Variants in MAN2A1 observed in about 807,000 individuals in gnomAD.
MAN2A1 encodes mannosidase alpha class 2A member 1, also known as alpha-mannosidase 2.
MAN2A1 carries 76 observed loss-of-function variants against 142.6 expected under a neutral mutation model. That is an observed-to-expected ratio of 0.53 (90% CI 0.44 to 0.65). The LOEUF (loss-of-function observed/expected upper bound fraction) is 0.65, where lower values mean the gene tolerates loss of function less well. MAN2A1 is among the 30% of genes least tolerant of loss of function. The pLI, the probability that MAN2A1 is intolerant of heterozygous loss-of-function variation, is 0.00. For synonymous variants in MAN2A1, 559 were observed against 473.2 expected, an observed-to-expected ratio of 1.18 and a Z score of -2.35; for missense variants, 1,311 against 1,365.1, an observed-to-expected ratio of 0.96 and a Z score of 0.62.
At chr5:109,826,647 A>G (rs1002762157) in intron 16 of MAN2A1, among the ~76,000 whole-genome samples, 46 of 152,124 alleles carry the variant, frequency 3.0e-4, no homozygotes, top group African/African-American at 1.1e-3. Flanking sequence ...TTGCCTGAAC[A>G]CTCGGGTTGT....
chr5:109,741,024 A>T lies in MAN2A1; in HGVS notation c.707+11511A>T, dbSNP rs370353135. 2.0e-5 allele frequency among the ~76,000 whole-genome samples: 3 copies of T among 152,168 alleles called. No individual in the cohort carries two copies. In the East Asian group the frequency reaches 5.8e-4, roughly 29 times the overall value. On this transcript the variant is annotated intron_variant, in intron 4 of 21. Coordinates refer to ENST00000261483, the MANE Select transcript of MAN2A1 (RefSeq NM_002372.4). The stretch of plus-strand genomic sequence containing the variant: ...TGCATCAGTCCAATATTACACATAA[A>T]ATATGGTAAGATATTGGAGGGGACT...
chr5:109,733,956 C>T (rs1412094157), intron 4 of MAN2A1, among the ~76,000 whole-genome samples: 3 of 152,128 alleles, frequency 2.0e-5, no homozygotes, highest in African/African-American at 7.2e-5. Flanking sequence ...CCTCCTTGTA[C>T]TTCTGGTAGA....
At chr5:109,798,596 C>T (rs1043738969) in intron 12 of MAN2A1, among the ~76,000 whole-genome samples, 3 of 152,198 alleles carry the variant, frequency 2.0e-5, no homozygotes, top group African/African-American at 7.2e-5. Context: ...TGGGGCTACC[C>T]TGATCATCTT....
chr5:109,747,947 A>G (rs1394031594), intron 4 of MAN2A1, among the ~76,000 whole-genome samples: 2 of 152,136 alleles, frequency 1.3e-5, no homozygotes, highest in African/African-American at 4.8e-5. Context: ...TATTATTTTA[A>G]GTAATAGGCA....
intron 12 of MAN2A1, among the ~76,000 whole-genome samples, chr5:109,807,835 G>T: frequency 6.6e-6 from 1 of 152,142 alleles, no homozygotes; most frequent in South Asian, 2.1e-4. Flanking sequence ...AATTTCCAGT[G>T]GAAAAATGGA....
intron 1 of MAN2A1, among the ~76,000 whole-genome samples, chr5:109,702,343 G>GTC (rs2069057158): frequency 6.6e-6 from 1 of 151,818 alleles, no homozygotes; most frequent in African/African-American, 2.4e-5. Flanking sequence ...GTGTGTGTGT[G>GTC]TGTGTGTGTC....
rs763639988 is a variant in MAN2A1, at chr5:109,845,963, A to G, written c.2799A>G (p.Thr933=). The G allele has an allele frequency of 3.1e-6, 5 of 1,613,762 alleles. No individual in the cohort carries two copies. The South Asian group carries it at 4.4e-5, about 14-fold the overall frequency. Residue 933 remains threonine, a synonymous_variant, in exon 18 of 22, where the codon ACA becomes ACG. Transcript: ENST00000261483. ...TCCAGGATGCCAAACATCGTTTGAC[A>G]CTGCTCTCTGCTCAGTCATTAGGGG... ...AYIQDAKHRL[T]LLSAQSLGVS...
intron 16 of MAN2A1, among the ~76,000 whole-genome samples, chr5:109,829,350 A>G (rs964670205): frequency 2.0e-5 from 3 of 152,214 alleles, no homozygotes; most frequent in Non-Finnish European, 2.9e-5. Flanking sequence ...GAGCAGGAGC[A>G]TTATGGTGGA....
chr5:109,721,215 G>A (rs1211217981), intron 3 of MAN2A1, among the ~76,000 whole-genome samples: 2 of 152,138 alleles, frequency 1.3e-5, no homozygotes, highest in African/African-American at 4.8e-5. Context: ...GCTCAGGATT[G>A]CCTGATTGTA....
intron 4 of MAN2A1, among the ~76,000 whole-genome samples, chr5:109,752,146 A>G (rs1438454018): frequency 1.3e-5 from 2 of 151,982 alleles, no homozygotes; most frequent in Non-Finnish European, 2.9e-5. Flanking sequence ...ATCTTCAGTC[A>G]TTTTCTAATT....
At position 109,690,672 on chromosome 5, in the gene MAN2A1, A is replaced by G. The variant is rs1750641377; in HGVS notation, c.135+120A>G. ...CCCCACACCCGTGCTGGGCGAGGCC[A>G]GGGGCTCTGTAGCTCTCGGACGGCA... On this transcript the variant is annotated intron_variant, in intron 1 of 21. Transcript: ENST00000261483. 6.9e-6 allele frequency: 8 copies of G among 1,154,646 alleles called. No individual in the cohort carries two copies. In the South Asian group the frequency reaches 8.3e-5, roughly 12 times the overall value. The allele number at this position is 1,154,646 out of a possible 1,614,324, so 71.5% of individuals were successfully genotyped here.
At chr5:109,783,697 A>G (rs186298015) in intron 9 of MAN2A1, among the ~76,000 whole-genome samples, 1 of 143,468 alleles carries the variant, frequency 7.0e-6, no homozygotes, top group Non-Finnish European at 1.5e-5. Context: ...TTTCGTGTAT[A>G]GAACCTTCTT....
rs558429491 is a variant in MAN2A1, at chr5:109,780,119, G to A, written c.1375-1277G>A. Among the ~76,000 whole-genome samples, 63 of 152,130 alleles carry A rather than the reference G, an allele frequency of 4.1e-4. 1 individual carries two copies. Among genetic ancestry groups the A allele is most frequent in the Middle Eastern group, 6.8e-3 (2 of 292 alleles). ...GTCACCCAGGCTGGAATGCAGTGGC[G>A]TGATCTCTGCTCACTGCAAGGTCGG... On this transcript the variant is annotated intron_variant, in intron 8 of 21. Transcript: ENST00000261483.
intron 12 of MAN2A1, among the ~76,000 whole-genome samples, chr5:109,812,043 C>A (rs1754333276): frequency 1.3e-5 from 2 of 152,100 alleles, no homozygotes; most frequent in South Asian, 4.1e-4. Flanking sequence ...GATGATGTGC[C>A]AGGGTCCTTG....
intron 4 of MAN2A1, among the ~76,000 whole-genome samples, chr5:109,734,151 G>C (rs927712462): frequency 9.9e-5 from 15 of 151,856 alleles, no homozygotes; most frequent in African/African-American, 3.4e-4. Context: ...TATTTGCGTA[G>C]AGGTGTTTGT....
At chr5:109,847,625 C>A in intron 18 of MAN2A1, 32 bp from the exon 19 acceptor site, 1 of 1,456,916 alleles carries the variant, frequency 6.9e-7, no homozygotes, top group Non-Finnish European at 9.1e-7. Context: ...TTATTCTGGT[C>A]AGTTTTGCTT....
At chr5:109,723,931 T>C (rs747386426) in intron 3 of MAN2A1, among the ~76,000 whole-genome samples, 1 of 152,210 alleles carries the variant, frequency 6.6e-6, no homozygotes, top group South Asian at 2.1e-4. Context: ...ATTTTCACTG[T>C]AGAATCTGTT....
At position 109,837,399 on chromosome 5, in the gene MAN2A1, T is replaced by A. The variant is rs1395507017; in HGVS notation, c.2567-4929T>A. On this transcript the variant is annotated intron_variant, in intron 16 of 21. Coordinates refer to ENST00000261483, the MANE Select transcript of MAN2A1 (RefSeq NM_002372.4). Reference sequence around the variant, plus strand: ...TCTGCCCTTAAAAACAAAAACAAAATCTGGAGGTCTTCTCTCTACTCGCTT... The same window carrying A: ...TCTGCCCTTAAAAACAAAAACAAAAACTGGAGGTCTTCTCTCTACTCGCTT... 2.6e-4 allele frequency among the ~76,000 whole-genome samples: 39 copies of A among 152,040 alleles called. 1 individual carries two copies. The highest frequency in any genetic ancestry group is 2.9e-5 in the Non-Finnish European group (2 of 67,988).
At chr5:109,839,860 G>T (rs1330344880) in intron 16 of MAN2A1, among the ~76,000 whole-genome samples, 1 of 151,150 alleles carries the variant, frequency 6.6e-6, no homozygotes, top group Non-Finnish European at 1.5e-5. Flanking sequence ...TCACTAGATT[G>T]TTATTTTTAT....
Sources: gnomAD v4.1 joint callset for allele counts (sites outside exome capture counted in the v4.1 genomes callset) on GRCh38, gnomAD v4.1.1 for gene constraint, MANE v1.5 for transcripts, NCBI Gene and HGNC (gene_info 2026-07-23, HGNC 2026-07-21) for gene names.